The following C12orf54 variants were observed in gnomAD, a reference collection of about 807,000 sequenced individuals.
C12orf54 encodes the protein uncharacterized protein C12orf54.
Under a neutral mutation model 26.4 loss-of-function variants are expected in C12orf54, and 24 were observed. The observed-to-expected ratio is 0.91, with a 90% CI of 0.66 to 1.28. The LOEUF (loss-of-function observed/expected upper bound fraction) is 1.28, where lower values mean the gene tolerates loss of function less well. Ranked by LOEUF, C12orf54 falls within the 50% of genes most tolerant of loss-of-function variation. The pLI is 0.00. For missense variants in C12orf54, 154 were observed against 150.9 expected (o/e 1.02, Z -0.11); for synonymous variants, 54 against 47.0 (o/e 1.15, Z -0.61).
the C12orf54 span, among the ~76,000 whole-genome samples, chr12:48,471,506 A>G: frequency 6.6e-6 from 1 of 152,052 alleles, no homozygotes; most frequent in African/African-American, 2.4e-5. Flanking sequence ...ATCCATCTTC[A>G]GTTAGTTTTT....
At chr12:48,473,494 C>CT in the C12orf54 span, 1 of 415,650 alleles carries the variant, frequency 2.4e-6, no homozygotes, top group Non-Finnish European at 4.6e-6. Context: ...CCAATCCTGC[C>CT]CCCTGAAACT....
the C12orf54 span, among the ~76,000 whole-genome samples, chr12:48,425,607 G>A: frequency 6.6e-6 from 1 of 152,018 alleles, no homozygotes; most frequent in Admixed American, 6.6e-5. Flanking sequence ...GTGGATTTCT[G>A]TTTCAAATTG....
chr12:48,461,022 G>A, the C12orf54 span, among the ~76,000 whole-genome samples: 1 of 151,998 alleles, frequency 6.6e-6, no homozygotes, highest in South Asian at 2.1e-4. Context: ...TGCCTCATAA[G>A]AAACCCACTT....
At chr12:48,486,135 A>G (rs1473217782) in intron 2 of C12orf54, 43 bp from the exon 3 acceptor site, 1 of 1,570,934 alleles carries the variant, frequency 6.4e-7, no homozygotes. Flanking sequence ...TTTAGCCCAC[A>G]TTCTGTGCTC....
chr12:48,438,721 G>T, the C12orf54 span, among the ~76,000 whole-genome samples: 1 of 152,178 alleles, frequency 6.6e-6, no homozygotes, highest in Non-Finnish European at 1.5e-5. Context: ...GCTGAAACTG[G>T]ATCCCTTCCT....
chr12:48,441,481 G>C, the C12orf54 span, among the ~76,000 whole-genome samples: 1 of 152,168 alleles, frequency 6.6e-6, no homozygotes, highest in African/African-American at 2.4e-5. Context: ...AAAATCCTAA[G>C]AGAGTAAATG....
chr12:48,422,705 T>C, the C12orf54 span, among the ~76,000 whole-genome samples: 4 of 152,250 alleles, frequency 2.6e-5, no homozygotes, highest in African/African-American at 9.6e-5. Context: ...TATGAAGAGA[T>C]TGAGAAACAA....
the C12orf54 span, among the ~76,000 whole-genome samples, chr12:48,424,002 A>G: frequency 1.3e-5 from 2 of 152,108 alleles, no homozygotes; most frequent in Non-Finnish European, 2.9e-5. Flanking sequence ...TTTACAAGTT[A>G]AGGGTGTTCT....
the C12orf54 span, among the ~76,000 whole-genome samples, chr12:48,467,958 T>C: frequency 6.6e-6 from 1 of 152,262 alleles, no homozygotes; most frequent in South Asian, 2.1e-4. Flanking sequence ...TGGATAATAA[T>C]GCGATGGCTT....
the C12orf54 span, among the ~76,000 whole-genome samples, chr12:48,443,311 G>T: frequency 6.6e-6 from 1 of 152,168 alleles, no homozygotes; most frequent in African/African-American, 2.4e-5. Context: ...TGGCAGAAAT[G>T]GTGTCTCTGA....
At chr12:48,475,808 T>A in the C12orf54 span, among the ~76,000 whole-genome samples, 6 of 152,206 alleles carry the variant, frequency 3.9e-5, no homozygotes, top group African/African-American at 1.2e-4. Context: ...TGGAACCAAG[T>A]TGGAAAACAC....
the C12orf54 span, among the ~76,000 whole-genome samples, chr12:48,448,344 A>G: frequency 6.6e-6 from 1 of 152,128 alleles, no homozygotes; most frequent in Non-Finnish European, 1.5e-5. Context: ...GTTTTTAAAA[A>G]CTTTACATAA....
chr12:48,445,372 T>A, the C12orf54 span, among the ~76,000 whole-genome samples: 1 of 152,046 alleles, frequency 6.6e-6, no homozygotes, highest in Non-Finnish European at 1.5e-5. Context: ...TGGACAGGTT[T>A]GCCCCAAAGC....
chr12:48,426,667 T>C, the C12orf54 span, among the ~76,000 whole-genome samples: 1 of 152,174 alleles, frequency 6.6e-6, no homozygotes, highest in Non-Finnish European at 1.5e-5. Context: ...TGTAAATTCC[T>C]TTGAGCAGTA....
chr12:48,435,336 T>C, the C12orf54 span, among the ~76,000 whole-genome samples: 325 of 152,326 alleles, frequency 2.1e-3, 2 homozygotes, highest in African/African-American at 7.5e-3. Context: ...GAAAACACTC[T>C]GCAGGATATT....
At chr12:48,436,723 A>G in the C12orf54 span, among the ~76,000 whole-genome samples, 30 of 152,230 alleles carry the variant, frequency 2.0e-4, no homozygotes, top group Admixed American at 3.3e-4. Flanking sequence ...AAAAGACACA[A>G]TATACCAGAA....
At chr12:48,484,649 G>A (rs1383566596) in intron 2 of C12orf54, among the ~76,000 whole-genome samples, 1 of 152,124 alleles carries the variant, frequency 6.6e-6, no homozygotes, top group African/African-American at 2.4e-5. Flanking sequence ...ACAAGCTTAG[G>A]GTTGAGGTTC....
At chr12:48,456,608 T>C in the C12orf54 span, among the ~76,000 whole-genome samples, 1 of 152,200 alleles carries the variant, frequency 6.6e-6, no homozygotes, top group Non-Finnish European at 1.5e-5. Flanking sequence ...TATTTCTCTT[T>C]GTTTCTTTGC....
At chr12:48,438,098 A>T in the C12orf54 span, among the ~76,000 whole-genome samples, 1 of 152,172 alleles carries the variant, frequency 6.6e-6, no homozygotes, top group African/African-American at 2.4e-5. Context: ...AAGCATTCTT[A>T]TACACCAATA....
Sources: gnomAD v4.1 joint callset for allele counts (sites outside exome capture counted in the v4.1 genomes callset) on GRCh38, gnomAD v4.1.1 for gene constraint, MANE v1.5 for transcripts, NCBI Gene and HGNC (gene_info 2026-07-23, HGNC 2026-07-21) for gene names.